KCNIP4: variants seen among roughly 807,000 people sequenced by gnomAD.
KCNIP4 encodes potassium voltage-gated channel interacting protein 4.
A neutral mutation model predicts 34.0 loss-of-function variants in KCNIP4; 12 were observed. That is an observed-to-expected ratio of 0.35 (90% CI 0.23 to 0.57). The LOEUF (loss-of-function observed/expected upper bound fraction) is 0.57, where lower values mean the gene tolerates loss of function less well. KCNIP4 is among the 20% of genes least tolerant of loss of function. The pLI, the probability that KCNIP4 is intolerant of heterozygous loss-of-function variation, is 0.83. For missense variants in KCNIP4, 238 were observed against 311.7 expected, an observed-to-expected ratio of 0.76 and a Z score of 1.78; for synonymous variants, 124 against 102.2, an observed-to-expected ratio of 1.21 and a Z score of -1.29.
At chr4:21,860,153 A>T (rs1724989632) in intron 1 of KCNIP4, among the ~76,000 whole-genome samples, 1 of 152,262 alleles carries the variant, frequency 6.6e-6, no homozygotes, top group South Asian at 2.1e-4. Context: ...TGTTTTTTTG[A>T]GATGAAGTCT....
intron 1 of KCNIP4, among the ~76,000 whole-genome samples, chr4:21,648,583 G>C (rs1747216670): frequency 1.3e-5 from 2 of 152,124 alleles, no homozygotes; most frequent in Non-Finnish European, 2.9e-5. Context: ...TAAATATGTT[G>C]AGCCAGTCGT....
At chr4:20,894,328 G>A (rs774116229) in intron 1 of KCNIP4, among the ~76,000 whole-genome samples, 13 of 152,132 alleles carry the variant, frequency 8.5e-5, no homozygotes, top group Non-Finnish European at 1.3e-4. Context: ...AATAGGATTT[G>A]GGATTACAAG....
chr4:21,836,492 C>T (rs893266909), intron 1 of KCNIP4, among the ~76,000 whole-genome samples: 3 of 151,798 alleles, frequency 2.0e-5, no homozygotes, highest in Non-Finnish European at 1.5e-5. Context: ...GCACTCCCTT[C>T]GATTTATTCT....
rs145993738 is a variant in KCNIP4, at chr4:21,004,181, G to A, written c.62-121472C>T. 3.5e-4 allele frequency among the ~76,000 whole-genome samples: 54 copies of A among 152,278 alleles called. No homozygotes were observed. The South Asian group carries it at 5.0e-3, about 14-fold the overall frequency. ...AGACTAAAAAAGTGAGATGAGTTGG[G>A]CTTATAATATTCCAGGCAGCAAATG... is the stretch of plus-strand genomic sequence containing the variant. On this transcript the variant is annotated intron_variant, in intron 1 of 8. Coordinates refer to ENST00000382152, the MANE Select transcript of KCNIP4 (RefSeq NM_025221.6).
intron 1 of KCNIP4, among the ~76,000 whole-genome samples, chr4:21,199,184 T>A (rs894066912): frequency 6.6e-6 from 1 of 152,222 alleles, no homozygotes; most frequent in Admixed American, 6.5e-5. Context: ...TTTACAGTGC[T>A]ACCGACAGTG....
chr4:20,842,823 T>C (rs1167496906), intron 3 of KCNIP4, among the ~76,000 whole-genome samples: 1 of 151,296 alleles, frequency 6.6e-6, no homozygotes, highest in Non-Finnish European at 1.5e-5. Flanking sequence ...ATTTGAGAGA[T>C]ACAAAGACTG....
At chr4:21,917,873 A>T (rs1728729072) in intron 1 of KCNIP4, among the ~76,000 whole-genome samples, 1 of 152,218 alleles carries the variant, frequency 6.6e-6, no homozygotes, top group African/African-American at 2.4e-5. Context: ...CTCAGTAATC[A>T]ACTGAAATCT....
chr4:21,875,875 T>C (rs1275922368), intron 1 of KCNIP4, among the ~76,000 whole-genome samples: 3 of 152,160 alleles, frequency 2.0e-5, no homozygotes, highest in Admixed American at 6.5e-5. Context: ...TTTCAGATCA[T>C]AGAATTTCAG....
At chr4:21,941,434 T>C (rs1730198031) in intron 1 of KCNIP4, among the ~76,000 whole-genome samples, 1 of 151,944 alleles carries the variant, frequency 6.6e-6, no homozygotes, top group Non-Finnish European at 1.5e-5. Context: ...TATTAAGAAC[T>C]GTTGACATCT....
intron 1 of KCNIP4, among the ~76,000 whole-genome samples, chr4:21,620,054 A>T (rs917166062): frequency 6.6e-6 from 1 of 152,228 alleles, no homozygotes; most frequent in African/African-American, 2.4e-5. Context: ...GGTAATATAC[A>T]CCAGAAATTT....
chr4:21,656,095 A>G (rs1451362668), intron 1 of KCNIP4, among the ~76,000 whole-genome samples: 1 of 152,234 alleles, frequency 6.6e-6, no homozygotes, highest in Non-Finnish European at 1.5e-5. Context: ...CCAAGATCAA[A>G]GCATCAGCAG....
chr4:21,711,747 C>A (rs1014294587), intron 1 of KCNIP4, among the ~76,000 whole-genome samples: 1 of 152,126 alleles, frequency 6.6e-6, no homozygotes, highest in African/African-American at 2.4e-5. Context: ...AACTAATGAA[C>A]CTGTGATGTG....
chr4:20,939,986 C>T (rs11931507), intron 1 of KCNIP4, among the ~76,000 whole-genome samples: 19,915 of 152,128 alleles, frequency 0.13, 1,826 homozygotes, highest in African/African-American at 0.27. Context: ...CAATGCTCTA[C>T]GAAGATACAA....
intron 1 of KCNIP4, among the ~76,000 whole-genome samples, chr4:21,900,470 G>C (rs879515526): frequency 6.6e-6 from 1 of 152,108 alleles, no homozygotes; most frequent in Non-Finnish European, 1.5e-5. Flanking sequence ...GGTCCTTCTT[G>C]CCTGGCTCCC....
chr4:21,499,200 A>G (rs1173529053), intron 1 of KCNIP4, among the ~76,000 whole-genome samples: 1 of 151,894 alleles, frequency 6.6e-6, no homozygotes, highest in Admixed American at 6.6e-5. Context: ...GCGTGGTGGC[A>G]TGCGCCTGTA....
intron 1 of KCNIP4, among the ~76,000 whole-genome samples, chr4:21,295,221 C>T (rs771571207): frequency 7.2e-5 from 11 of 152,022 alleles, no homozygotes; most frequent in South Asian, 2.1e-4. Context: ...TGCGCTCACA[C>T]GAAAGATTGG....
At chr4:21,742,970 A>G (rs995484141) in intron 1 of KCNIP4, among the ~76,000 whole-genome samples, 2 of 152,182 alleles carry the variant, frequency 1.3e-5, no homozygotes, top group African/African-American at 2.4e-5. Context: ...AACACTTAAA[A>G]TGTTATCTGT....
At chr4:21,084,649 C>A (rs1276726276) in intron 1 of KCNIP4, among the ~76,000 whole-genome samples, 1 of 150,242 alleles carries the variant, frequency 6.7e-6, no homozygotes, top group Non-Finnish European at 1.5e-5. Flanking sequence ...ATATTTTTAA[C>A]AGCACCTTAT....
intron 1 of KCNIP4, among the ~76,000 whole-genome samples, chr4:21,000,200 T>C (rs1463759292): frequency 6.6e-6 from 1 of 152,056 alleles, no homozygotes; most frequent in Non-Finnish European, 1.5e-5. Flanking sequence ...TTTGGCTAAT[T>C]CTCAGTACCA....
Sources: allele counts gnomAD v4.1 joint callset (sites outside exome capture counted in the v4.1 genomes callset), GRCh38; gene constraint gnomAD v4.1.1; transcripts MANE v1.5; gene names NCBI Gene and HGNC (gene_info 2026-07-23, HGNC 2026-07-21).